The following NT5DC1 variants were observed in gnomAD, a reference collection of about 807,000 sequenced individuals.
The protein encoded by NT5DC1 is 5'-nucleotidase domain containing 1, also known as 5'-nucleotidase domain-containing protein 1.
In NT5DC1, 42 loss-of-function variants were observed where a neutral mutation model predicts 59.4. The ratio of observed to expected loss-of-function variants is 0.71; its 90% CI spans 0.55 to 0.92. The LOEUF (loss-of-function observed/expected upper bound fraction) is 0.92. NT5DC1 is among the 40% of genes least tolerant of loss of function. The pLI is 0.00. For synonymous variants in NT5DC1, 172 were observed against 188.1 expected, an observed-to-expected ratio of 0.91 and a Z score of 0.70; for missense variants, 501 against 537.1, an observed-to-expected ratio of 0.93 and a Z score of 0.66.
chr6:116,172,232 G>A (rs1236592121), intron 6 of NT5DC1, among the ~76,000 whole-genome samples: 1 of 151,026 alleles, frequency 6.6e-6, no homozygotes, highest in Non-Finnish European at 1.5e-5. Context: ...TATATAATAA[G>A]TGGTTTTAAG....
At position 116,164,935 on chromosome 6, in the gene NT5DC1, T is replaced by A. The variant is rs376393229; in HGVS notation, c.529+46990T>A. On this transcript the variant is annotated intron_variant, in intron 6 of 11. Transcript: ENST00000319550. ...CGTCTCTACTAAAAAAATAAATAAA[T>A]AAAATACAAAAAATTAGCGGACATG... 6.4e-4 allele frequency among the ~76,000 whole-genome samples: 97 copies of A among 151,544 alleles called. 1 individual carries two copies. In the South Asian group the frequency reaches 0.02, roughly 31 times the overall value.
At chr6:116,121,849 T>C in intron 6 of NT5DC1, 2 of 1,613,832 alleles carry the variant, frequency 1.2e-6, no homozygotes, top group East Asian at 2.2e-5. Flanking sequence ...CTCCTTGGAG[T>C]CCAGGACTTC....
At chr6:116,186,963 T>G (rs1199780439) in intron 6 of NT5DC1, among the ~76,000 whole-genome samples, 3 of 152,068 alleles carry the variant, frequency 2.0e-5, no homozygotes, top group Non-Finnish European at 2.9e-5. Flanking sequence ...ACCAGAATTG[T>G]TTTTCTGGTT....
At chr6:116,145,305 G>A (rs762105218) in intron 6 of NT5DC1, 2 of 208,102 alleles carry the variant, frequency 9.6e-6, no homozygotes, top group Non-Finnish European at 1.1e-5. Context: ...CTTATCATAC[G>A]TTTTGTCAGA....
At chr6:116,172,098 A>C in intron 6 of NT5DC1, among the ~76,000 whole-genome samples, 1 of 152,208 alleles carries the variant, frequency 6.6e-6, no homozygotes, top group East Asian at 1.9e-4. Context: ...TCTGTAAGTC[A>C]AGATGACTGA....
intron 6 of NT5DC1, among the ~76,000 whole-genome samples, chr6:116,203,375 G>A (rs1358790319): frequency 6.6e-6 from 1 of 151,852 alleles, no homozygotes; most frequent in East Asian, 1.9e-4. Context: ...CTCTCTTCAT[G>A]CTCCCTTCTA....
intron 6 of NT5DC1, among the ~76,000 whole-genome samples, chr6:116,158,267 A>G (rs192643559): frequency 6.6e-6 from 1 of 152,216 alleles, no homozygotes; most frequent in African/African-American, 2.4e-5. Context: ...CGATGAAGAT[A>G]CATGGCATTT....
At chr6:116,229,657 CTGA>C (rs1781976923) in intron 8 of NT5DC1, among the ~76,000 whole-genome samples, 1 of 152,182 alleles carries the variant, frequency 6.6e-6, no homozygotes, top group African/African-American at 2.4e-5. Context: ...GGGGGAATCT[CTGA>C]CTTGCAAGAT....
At position 116,156,259 on chromosome 6, in the gene NT5DC1, C is replaced by T. The variant is rs547614549; in HGVS notation, c.529+38314C>T. ...TGTAGTTTTTTCCTCCTCTGCAACC[C>T]ATTTCTCTAATTTTCCGGCAAAACT... On this transcript the variant is annotated intron_variant, in intron 6 of 11. Transcript: ENST00000319550. Among the ~76,000 whole-genome samples the T allele has an allele frequency of 2.6e-3, 398 of 152,196 alleles. 1 individual carries two copies. The highest frequency in any genetic ancestry group is 6.8e-3 in the South Asian group (33 of 4,824).
At chr6:116,105,686 A>G (rs1778753512) in intron 1 of NT5DC1, among the ~76,000 whole-genome samples, 1 of 151,956 alleles carries the variant, frequency 6.6e-6, no homozygotes, top group African/African-American at 2.4e-5. Flanking sequence ...TAATTATTGT[A>G]CTTGCTTCCA....
chr6:116,220,107 T>C (rs924962848), intron 6 of NT5DC1, among the ~76,000 whole-genome samples: 2 of 145,886 alleles, frequency 1.4e-5, no homozygotes, highest in South Asian at 2.2e-4. Flanking sequence ...TATCATTCAG[T>C]ACAAGCTGTT....
intron 6 of NT5DC1, among the ~76,000 whole-genome samples, chr6:116,180,026 T>G (rs746080951): frequency 2.0e-5 from 3 of 152,126 alleles, no homozygotes; most frequent in Non-Finnish European, 2.9e-5. Context: ...AATCTTGTTT[T>G]TTATTGCAAA....
At chr6:116,101,644 C>T (rs1220544933) in intron 1 of NT5DC1, among the ~76,000 whole-genome samples, 2 of 152,146 alleles carry the variant, frequency 1.3e-5, no homozygotes, top group African/African-American at 4.8e-5. Flanking sequence ...CTACGTGCTC[C>T]GTGCACTTTG....
intron 6 of NT5DC1, chr6:116,145,534 C>T (rs1414379753): frequency 1.4e-5 from 4 of 295,680 alleles, no homozygotes; most frequent in Admixed American, 6.2e-5. Context: ...CATTAGAACT[C>T]CTGTCCTGCT....
chr6:116,153,813 G>C (rs1780112730), intron 6 of NT5DC1, among the ~76,000 whole-genome samples: 1 of 152,070 alleles, frequency 6.6e-6, no homozygotes, highest in Non-Finnish European at 1.5e-5. Flanking sequence ...GATAAACTGA[G>C]TATTGTTTCC....
Position 116,248,615 on chromosome 6 carries a change from C to T in NT5DC1, c.*4591C>T, listed in dbSNP as rs1035608442. On this transcript the variant is annotated 3_prime_UTR_variant, in exon 12 of 12. Coordinates refer to ENST00000319550, the MANE Select transcript of NT5DC1 (RefSeq NM_152729.3). ...TGCACTGAATGCCCAGAAATGGAAG[C>T]GCAAGGAAAGTGTTGTGTGAGGACC... The T allele has an allele frequency of 2.6e-5, 4 of 152,264 alleles. No individual in the cohort carries two copies. Among genetic ancestry groups the T allele is most frequent in the Non-Finnish European group, 4.4e-5 (3 of 68,074 alleles). 9.4% of individuals were successfully genotyped at this position (152,264 alleles called of 1,614,324 possible). A position where few individuals can be genotyped will look rare whatever the true frequency, so the allele number is the denominator to read the frequency against.
At chr6:116,216,549 C>T (rs1294724698) in intron 6 of NT5DC1, among the ~76,000 whole-genome samples, 1 of 151,822 alleles carries the variant, frequency 6.6e-6, no homozygotes, top group Non-Finnish European at 1.5e-5. Flanking sequence ...ATATTCTGTA[C>T]TTCATTTCCC....
At chr6:116,130,996 C>G (rs530312928) in intron 6 of NT5DC1, among the ~76,000 whole-genome samples, 1 of 152,306 alleles carries the variant, frequency 6.6e-6, no homozygotes, top group East Asian at 1.9e-4. Context: ...ATACTGCCCA[C>G]TCAATTCACT....
intron 6 of NT5DC1, among the ~76,000 whole-genome samples, chr6:116,161,314 A>G (rs1582844082): frequency 6.6e-6 from 1 of 152,076 alleles, no homozygotes; most frequent in South Asian, 2.1e-4. Context: ...CACATTGTGC[A>G]CATGTACCCT....
Sources: gnomAD v4.1 joint callset for allele counts (sites outside exome capture counted in the v4.1 genomes callset) on GRCh38, gnomAD v4.1.1 for gene constraint, MANE v1.5 for transcripts, NCBI Gene and HGNC (gene_info 2026-07-23, HGNC 2026-07-21) for gene names.